Variants in KIAA1549L observed in about 807,000 individuals in gnomAD.
The protein encoded by KIAA1549L is UPF0606 protein KIAA1549L.
A neutral mutation model predicts 160.7 loss-of-function variants in KIAA1549L; 88 were observed. That is an observed-to-expected ratio of 0.55 (90% confidence interval 0.46 to 0.65). The LOEUF is 0.65. Ranked by LOEUF, KIAA1549L falls within the 30% of genes least tolerant of loss-of-function variation. The pLI is 0.00. For synonymous variants in KIAA1549L, 950 were observed against 976.7 expected (o/e 0.97, Z 0.51); for missense variants, 2,258 against 2,437.5 (o/e 0.93, Z 1.55).
At chr11:33,584,633 T>G (rs1855752609) in intron 11 of KIAA1549L, among the ~76,000 whole-genome samples, 1 of 152,258 alleles carries the variant, frequency 6.6e-6, no homozygotes, top group African/African-American at 2.4e-5. Context: ...ACCTCGTTTG[T>G]TCATCACAGC....
intron 12 of KIAA1549L, among the ~76,000 whole-genome samples, chr11:33,595,334 C>T (rs1850169814): frequency 6.6e-6 from 1 of 152,182 alleles, no homozygotes; most frequent in South Asian, 2.1e-4. Flanking sequence ...TCAAGCAATT[C>T]CCCTGCCTCA....
At chr11:33,434,047 G>C (rs1054904614) in intron 1 of KIAA1549L, among the ~76,000 whole-genome samples, 4 of 151,408 alleles carry the variant, frequency 2.6e-5, no homozygotes, top group Admixed American at 6.6e-5. Context: ...CATGTATCCT[G>C]CTTATTTTTT....
At chr11:33,652,117 G>C (rs898785550) in intron 17 of KIAA1549L, among the ~76,000 whole-genome samples, 1 of 151,314 alleles carries the variant, frequency 6.6e-6, no homozygotes, top group Non-Finnish European at 1.5e-5. Flanking sequence ...GGGTCCTTAG[G>C]TTTTCCTCAC....
rs1465153644 is a variant in KIAA1549L, at chr11:33,435,792, ATATATATATATATATATATG to A, written c.238+58905_238+58924del. 5.4e-4 allele frequency among the ~76,000 whole-genome samples: 7 copies of A among 13,060 alleles called. 2 individuals carry two copies. The highest frequency in any genetic ancestry group is 3.0e-3 in the African/African-American group (7 of 2,346). The allele number at this position is 13,060 out of a possible 152,430, so 8.6% of individuals were successfully genotyped here. A position where few individuals can be genotyped will look rare whatever the true frequency, so the allele number is the denominator to read the frequency against. ...TATATATATATATATATATATATAT[ATATATATATATATATATATG>A]TGTGTGTATATATATATATGTATAT... On this transcript the variant is annotated intron_variant, in intron 1 of 20. Coordinates refer to ENST00000658780, the MANE Select transcript of KIAA1549L (RefSeq NM_012194.3).
Position 33,435,818 on chromosome 11 carries a change from G to GTGTGTGTGTATATA in KIAA1549L, c.238+58930_238+58931insGTGTGTGTATATAT, listed in dbSNP as rs1554976830. ...TATATATATATATATATATGTGTGT[G>GTGTGTGTGTATATA]TATATATATATATGTATATGTATAT... is the stretch of plus-strand genomic sequence containing the variant. On this transcript the variant is annotated intron_variant, in intron 1 of 20. Transcript: ENST00000658780. Among the ~76,000 whole-genome samples the GTGTGTGTGTATATA allele has an allele frequency of 2.8e-3, 129 of 45,284 alleles. 4 individuals carry two copies. Among genetic ancestry groups the GTGTGTGTGTATATA allele is most frequent in the Middle Eastern group, 0.011 (1 of 92 alleles). The allele number at this position is 45,284 out of a possible 152,430, so 29.7% of individuals were successfully genotyped here.
Position 33,668,498 on chromosome 11 carries a change from C to T in KIAA1549L, c.*344C>T, listed in dbSNP as rs749276425. ...TATCCAATGCCACATTTTAATAAAT[C>T]ACCGGAAGCGGGAGAATGTAGCTCT... On this transcript the variant is annotated 3_prime_UTR_variant, in exon 21 of 21. Transcript: ENST00000658780. The T allele has an allele frequency of 6.3e-6, 2 of 319,300 alleles. No homozygotes were observed. Among genetic ancestry groups the T allele is most frequent in the African/African-American group, 4.2e-5 (2 of 47,848 alleles). 19.8% of individuals were successfully genotyped at this position (319,300 alleles called of 1,614,324 possible).
At chr11:33,510,011 G>A (rs114284012) in intron 1 of KIAA1549L, among the ~76,000 whole-genome samples, 31 of 152,296 alleles carry the variant, frequency 2.0e-4, no homozygotes, top group African/African-American at 7.5e-4. Flanking sequence ...TTTTGAGGGA[G>A]GCTTTGGAAC....
intron 1 of KIAA1549L, among the ~76,000 whole-genome samples, chr11:33,457,794 G>A (rs1459270892): frequency 1.3e-5 from 2 of 152,162 alleles, no homozygotes; most frequent in African/African-American, 2.4e-5. Flanking sequence ...TGCCCATGAA[G>A]CTGAGTGGTA....
In KIAA1549L at chr11:33,435,757, A is replaced by AAGAGAG. The variant is rs202078714; in HGVS notation, c.238+58871_238+58872insGAGAGA. Among the ~76,000 whole-genome samples the AAGAGAG allele has an allele frequency of 1.0e-3, 47 of 46,448 alleles. 1 individual carries two copies. In the East Asian group the frequency reaches 0.014, roughly 14 times the overall value. 30.5% of individuals were successfully genotyped at this position (46,448 alleles called of 152,430 possible). On this transcript the variant is annotated intron_variant, in intron 1 of 20. Coordinates refer to ENST00000658780, the MANE Select transcript of KIAA1549L (RefSeq NM_012194.3). ...GGCCTTCCAGAGAAACAGAACCAATAAGATATATATATATATATATATATA... is the reference window on the plus strand; with the variant it reads ...GGCCTTCCAGAGAAACAGAACCAATAAGAGAGAGATATATATATATATATATATATA...
At chr11:33,395,638 A>ATGT (rs903109523) in intron 1 of KIAA1549L, among the ~76,000 whole-genome samples, 1 of 152,140 alleles carries the variant, frequency 6.6e-6, no homozygotes, top group African/African-American at 2.4e-5. Flanking sequence ...AAAACGTAAC[A>ATGT]TGTTTTCTTA....
intron 15 of KIAA1549L, among the ~76,000 whole-genome samples, chr11:33,612,362 C>A (rs987931035): frequency 3.9e-5 from 6 of 152,210 alleles, no homozygotes; most frequent in Non-Finnish European, 1.5e-5. Context: ...CACAGCAGGA[C>A]AAGTGAAGGA....
At chr11:33,653,422 C>A (rs934464607) in intron 17 of KIAA1549L, among the ~76,000 whole-genome samples, 2 of 152,232 alleles carry the variant, frequency 1.3e-5, no homozygotes, top group African/African-American at 4.8e-5. Flanking sequence ...TAGGTTGACT[C>A]CTCTCTGAGC....
At chr11:33,563,673 A>G (rs1854951414) in intron 8 of KIAA1549L, among the ~76,000 whole-genome samples, 1 of 152,220 alleles carries the variant, frequency 6.6e-6, no homozygotes, top group African/African-American at 2.4e-5. Context: ...TAAGAAGGCA[A>G]ACAAAAAAAC....
chr11:33,466,514 TTGG>T (rs1335183810), intron 1 of KIAA1549L, among the ~76,000 whole-genome samples: 2 of 152,292 alleles, frequency 1.3e-5, no homozygotes, highest in East Asian at 1.9e-4. Context: ...TTTTACACTG[TTGG>T]TGGGAGTGTA....
chr11:33,416,628 T>G (rs1466762281), intron 1 of KIAA1549L, among the ~76,000 whole-genome samples: 1 of 152,080 alleles, frequency 6.6e-6, no homozygotes, highest in Non-Finnish European at 1.5e-5. Context: ...ACTACACCAT[T>G]TTATATAAGG....
rs1470753059 is a variant in KIAA1549L, at chr11:33,376,497, G to C, written c.-155G>C. 10 of 148,034 alleles carry C rather than the reference G, an allele frequency of 6.8e-5. No homozygotes were observed. The highest frequency in any genetic ancestry group is 2.2e-4 in the African/African-American group (9 of 40,940). The allele number at this position is 148,034 out of a possible 1,614,324, so 9.2% of individuals were successfully genotyped here. On this transcript the variant is annotated 5_prime_UTR_variant, in exon 1 of 21. Transcript: ENST00000658780. The surrounding 1 kb of genome is among the most constrained non-coding windows in gnomAD (Gnocchi z 5.8). ...GCTCCCTGGAGCCCGCCCCGGGCGC[G>C]GCAGGACGAGCGAGCCAGTCGCGCC...
At chr11:33,380,846 C>T (rs895745297) in intron 1 of KIAA1549L, among the ~76,000 whole-genome samples, 10 of 152,014 alleles carry the variant, frequency 6.6e-5, no homozygotes, top group South Asian at 2.1e-4. Flanking sequence ...TCCTCCTTGC[C>T]GCTCCCCAAA....
chr11:33,426,874 T>C (rs1324279363), intron 1 of KIAA1549L, among the ~76,000 whole-genome samples: 2 of 152,188 alleles, frequency 1.3e-5, no homozygotes, highest in East Asian at 3.9e-4. Flanking sequence ...ATCATTTATA[T>C]CTGTGCTTGA....
At chr11:33,386,747 G>T (rs1850180832) in intron 1 of KIAA1549L, among the ~76,000 whole-genome samples, 1 of 151,800 alleles carries the variant, frequency 6.6e-6, no homozygotes, top group East Asian at 2.0e-4. Flanking sequence ...TTCATGAGGG[G>T]TATTGGTCTG....
Sources: gnomAD v4.1 joint callset for allele counts (sites outside exome capture counted in the v4.1 genomes callset) on GRCh38, gnomAD v4.1.1 for gene constraint, Gnocchi (gnomAD v3.1) non-coding constraint, MANE v1.5 for transcripts, NCBI Gene and HGNC (gene_info 2026-07-23, HGNC 2026-07-21) for gene names.